Variants in ENOX1 observed in about 807,000 individuals in gnomAD.
ENOX1 encodes candidate growth-related and time keeping constitutive hydroquinone (NADH) oxidase.
Under a neutral mutation model 82.5 loss-of-function variants are expected in ENOX1, and 42 were observed. That is an observed-to-expected ratio of 0.51 (90% CI 0.40 to 0.66). The LOEUF is 0.66. Ranked by LOEUF, ENOX1 falls within the 30% of genes least tolerant of loss-of-function variation. The pLI is 0.00. For missense variants in ENOX1, 608 were observed against 811.6 expected (o/e 0.75, Z 3.05); for synonymous variants, 271 against 282.2 (o/e 0.96, Z 0.40).
intron 1 of ENOX1, among the ~76,000 whole-genome samples, chr13:43,756,629 G>A (rs894021487): frequency 2.0e-5 from 3 of 152,098 alleles, no homozygotes; most frequent in African/African-American, 7.2e-5. Context: ...TCATTGGACT[G>A]GGAGCTCTCA....
At chr13:43,453,065 A>G (rs999242052) in intron 3 of ENOX1, among the ~76,000 whole-genome samples, 21 of 152,306 alleles carry the variant, frequency 1.4e-4, no homozygotes, top group African/African-American at 4.8e-4. Context: ...TATGCTTGCT[A>G]TATCATTATT....
chr13:43,628,734 G>A (rs977776432), intron 2 of ENOX1, among the ~76,000 whole-genome samples: 1 of 152,150 alleles, frequency 6.6e-6, no homozygotes, highest in Non-Finnish European at 1.5e-5. Flanking sequence ...TAAACCTTCT[G>A]TTTTCACTGG....
intron 1 of ENOX1, among the ~76,000 whole-genome samples, chr13:43,762,621 C>T (rs546795068): frequency 6.6e-6 from 1 of 152,288 alleles, no homozygotes; most frequent in Admixed American, 6.5e-5. Flanking sequence ...CATCCATTTT[C>T]ACCAGATGAA....
intron 11 of ENOX1, among the ~76,000 whole-genome samples, chr13:43,301,582 CA>C (rs34477975): frequency 0.032 from 4,538 of 139,940 alleles, 147 homozygotes; most frequent in African/African-American, 0.094. Flanking sequence ...ATTCCCCCAC[CA>C]AAAAAAAAAA....
intron 1 of ENOX1, among the ~76,000 whole-genome samples, chr13:43,700,670 T>C (rs2086860561): frequency 6.6e-6 from 1 of 152,092 alleles, no homozygotes; most frequent in Non-Finnish European, 1.5e-5. Context: ...TCCCTAAATA[T>C]CAAACGCCCT....
rs577310675 is a variant in ENOX1 at position 43,562,602 on chromosome 13, A to G, written c.-218-78450T>C. Among the ~76,000 whole-genome samples the G allele has an allele frequency of 1.9e-4, 29 of 152,216 alleles. No homozygotes were observed. The South Asian group carries it at 5.6e-3, about 29-fold the overall frequency. ...AGAGTGGCTGAACAGATAAAACAAA[A>G]CTAAACTAAACAAAAAACAAGCCCC... On this transcript the variant is annotated intron_variant, in intron 2 of 16. Coordinates refer to ENST00000690772, the MANE Select transcript of ENOX1 (RefSeq NM_001347969.2).
chr13:43,298,210 T>A, intron 12 of ENOX1, 136 bp downstream of exon 12: 1 of 878,436 alleles, frequency 1.1e-6, no homozygotes, highest in Non-Finnish European at 1.6e-6. Flanking sequence ...ATTAGCACTT[T>A]TCTGTCCTAG....
At chr13:43,240,978 A>G (rs1228610538) in intron 14 of ENOX1, among the ~76,000 whole-genome samples, 1 of 152,184 alleles carries the variant, frequency 6.6e-6, no homozygotes, top group Non-Finnish European at 1.5e-5. Context: ...GGACCCCTCT[A>G]CGGAGATACT....
At chr13:43,303,933 T>G (rs1432642791) in intron 11 of ENOX1, among the ~76,000 whole-genome samples, 3 of 152,194 alleles carry the variant, frequency 2.0e-5, no homozygotes, top group Admixed American at 2.0e-4. Flanking sequence ...CGCTGCTCAT[T>G]CTATCCCGAT....
At chr13:43,538,210 C>T (rs905978721) in intron 2 of ENOX1, among the ~76,000 whole-genome samples, 4 of 152,302 alleles carry the variant, frequency 2.6e-5, no homozygotes, top group African/African-American at 9.6e-5. Context: ...TTAATCCTCC[C>T]ATAAAATATT....
In ENOX1 at chr13:43,359,712, G is replaced by T. The variant is rs561208789; in HGVS notation, c.589+139C>A. ...TAGCGCAGAGCTTCTGGCAGCCAAG[G>T]AAGAAGGCAGAATTCCTCCTTTTCC... is the stretch of plus-strand genomic sequence containing the variant. On this transcript the variant is annotated intron_variant, in intron 7 of 16. Transcript: ENST00000690772. 2.5e-4 allele frequency: 195 copies of T among 769,348 alleles called. 1 individual carries two copies. The South Asian group carries it at 3.3e-3, about 13-fold the overall frequency. The allele number at this position is 769,348 out of a possible 1,614,324, so 47.7% of individuals were successfully genotyped here.
At chr13:43,748,516 T>C (rs1353575647) in intron 1 of ENOX1, among the ~76,000 whole-genome samples, 1 of 152,172 alleles carries the variant, frequency 6.6e-6, no homozygotes, top group African/African-American at 2.4e-5. Flanking sequence ...TATTACATTT[T>C]AGCACAGAGT....
intron 1 of ENOX1, among the ~76,000 whole-genome samples, chr13:43,774,243 T>C (rs935904698): frequency 1.3e-5 from 2 of 152,140 alleles, no homozygotes; most frequent in African/African-American, 2.4e-5. Context: ...CTGAAATGGA[T>C]CAAAGACTAG....
intron 3 of ENOX1, among the ~76,000 whole-genome samples, chr13:43,443,484 G>C (rs1212620039): frequency 6.6e-6 from 1 of 152,168 alleles, no homozygotes; most frequent in Non-Finnish European, 1.5e-5. Flanking sequence ...ATTTAATCCT[G>C]TAAATATGCA....
intron 2 of ENOX1, among the ~76,000 whole-genome samples, chr13:43,539,034 G>C (rs1219109433): frequency 6.6e-6 from 1 of 152,022 alleles, no homozygotes; most frequent in Non-Finnish European, 1.5e-5. Context: ...TGATGCCCAG[G>C]GTGGTCTTGA....
chr13:43,762,735 T>C (rs936576378), intron 1 of ENOX1, among the ~76,000 whole-genome samples: 1 of 152,218 alleles, frequency 6.6e-6, no homozygotes, highest in African/African-American at 2.4e-5. Flanking sequence ...CTTCTTACTA[T>C]TGACAATGCA....
chr13:43,415,776 G>T (rs1248755510), intron 3 of ENOX1, among the ~76,000 whole-genome samples: 5 of 151,410 alleles, frequency 3.3e-5, no homozygotes, highest in African/African-American at 1.2e-4. Context: ...GAGCTGTTGG[G>T]TACACCTCCC....
At chr13:43,539,542 CT>C in intron 2 of ENOX1, among the ~76,000 whole-genome samples, 1 of 152,068 alleles carries the variant, frequency 6.6e-6, no homozygotes, top group East Asian at 1.9e-4. Flanking sequence ...TTATGATCAA[CT>C]TTTAATTATT....
intron 1 of ENOX1, among the ~76,000 whole-genome samples, chr13:43,686,866 C>CAT (rs79729453): frequency 0.44 from 66,274 of 151,732 alleles, 15,233 homozygotes; most frequent in East Asian, 0.77. Flanking sequence ...CAAGCAAACT[C>CAT]GTGGAAAACA....
Sources: allele counts gnomAD v4.1 joint callset (sites outside exome capture counted in the v4.1 genomes callset), GRCh38; gene constraint gnomAD v4.1.1; transcripts MANE v1.5; gene names NCBI Gene and HGNC (gene_info 2026-07-23, HGNC 2026-07-21).